The following LRP2 variants were observed in gnomAD, a reference collection of about 807,000 sequenced individuals.
The protein encoded by LRP2 is LDL receptor related protein 2, also known as low-density lipoprotein receptor-related protein 2.
LRP2 carries 172 observed loss-of-function variants against 531.0 expected under a neutral mutation model. That is an observed-to-expected ratio of 0.32 (90% CI 0.29 to 0.37). The LOEUF (loss-of-function observed/expected upper bound fraction) is 0.37, where lower values mean the gene tolerates loss of function less well. LRP2 is among the 10% of genes least tolerant of loss of function. LRP2 has a pLI of 1.00. For synonymous variants in LRP2, 1,992 were observed against 2,027.6 expected (o/e 0.98, Z 0.47); for missense variants, 5,167 against 5,868.3 (o/e 0.88, Z 3.90).
At chr2:169,176,234 A>T (rs62172599) in intron 54 of LRP2, among the ~76,000 whole-genome samples, 177 bp downstream of exon 54, 3,085 of 152,324 alleles carry the variant, frequency 0.02, 38 homozygotes, top group Non-Finnish European at 0.03. Context: ...AGCTCCTTCT[A>T]TTCATGGAAA....
intron 37 of LRP2, among the ~76,000 whole-genome samples, chr2:169,210,809 C>T (rs1174423098): frequency 1.3e-5 from 2 of 152,058 alleles, no homozygotes; most frequent in African/African-American, 4.8e-5. Context: ...TGTATGCTAA[C>T]ATATGTAGGG....
chr2:169,321,751 AAAC>A (rs1018288189), intron 1 of LRP2, among the ~76,000 whole-genome samples: 5 of 152,082 alleles, frequency 3.3e-5, no homozygotes, highest in African/African-American at 1.2e-4. Flanking sequence ...AAACAAAACA[AAAC>A]AAAATCTCTG....
At chr2:169,283,492 G>C (rs56325975) in intron 9 of LRP2, among the ~76,000 whole-genome samples, 9,527 of 152,208 alleles carry the variant, frequency 0.063, 525 homozygotes, top group African/African-American at 0.14. Context: ...CAATATGACA[G>C]AGTGAAGATA....
intron 1 of LRP2, among the ~76,000 whole-genome samples, chr2:169,327,797 A>G (rs1685136200): frequency 9.8e-6 from 1 of 102,418 alleles, no homozygotes; most frequent in Non-Finnish European, 2.0e-5. Flanking sequence ...CCCGTCTGGG[A>G]GGTGAGGGGC....
At chr2:169,285,630 C>A (rs11896551) in intron 9 of LRP2, among the ~76,000 whole-genome samples, 1 of 152,006 alleles carries the variant, frequency 6.6e-6, no homozygotes, top group Non-Finnish European at 1.5e-5. Flanking sequence ...CCCCCTTGGC[C>A]ACCCTCTGAT....
chr2:169,199,955 T>C (rs1174736809), intron 44 of LRP2, among the ~76,000 whole-genome samples: 3 of 152,178 alleles, frequency 2.0e-5, no homozygotes, highest in Non-Finnish European at 4.4e-5. Context: ...GAAATATCAA[T>C]AAAAATTTTT....
chr2:169,307,253 T>C, intron 4 of LRP2, 28 bp downstream of exon 4: 2 of 1,463,080 alleles, frequency 1.4e-6, no homozygotes, highest in East Asian at 2.3e-5. Context: ...TGAAACCAAA[T>C]ACAGTGCAAG....
intron 17 of LRP2, among the ~76,000 whole-genome samples, chr2:169,257,832 A>C (rs1484903432): frequency 2.0e-5 from 3 of 150,160 alleles, no homozygotes; most frequent in South Asian, 2.1e-4. Flanking sequence ...AAACAAAAAA[A>C]AAAAACACAA....
intron 26 of LRP2, among the ~76,000 whole-genome samples, chr2:169,239,260 A>G (rs1252546886): frequency 6.6e-6 from 1 of 152,190 alleles, no homozygotes; most frequent in Non-Finnish European, 1.5e-5. Context: ...TAAATTATAT[A>G]AAAGCCATTT....
At chr2:169,258,148 G>A (rs1690391368) in intron 17 of LRP2, among the ~76,000 whole-genome samples, 2 of 152,100 alleles carry the variant, frequency 1.3e-5, no homozygotes, top group African/African-American at 4.8e-5. Context: ...AATTAAAGCA[G>A]ATACTCTAGA....
chr2:169,239,076 A>T (rs1689710849), intron 26 of LRP2, among the ~76,000 whole-genome samples: 1 of 152,164 alleles, frequency 6.6e-6, no homozygotes, highest in Non-Finnish European at 1.5e-5. Flanking sequence ...ATGTAAAAGA[A>T]AGAAACTTTC....
intron 63 of LRP2, among the ~76,000 whole-genome samples, chr2:169,160,014 C>A (rs1387764258): frequency 6.6e-6 from 1 of 152,166 alleles, no homozygotes; most frequent in African/African-American, 2.4e-5. Context: ...AAAATGATCA[C>A]CATTTTAACC....
intron 77 of LRP2, among the ~76,000 whole-genome samples, chr2:169,130,057 T>C (rs1685228582): frequency 6.6e-6 from 1 of 152,178 alleles, no homozygotes; most frequent in Admixed American, 6.5e-5. Context: ...GCTTTGTACA[T>C]AGTGCCCCCA....
chr2:169,202,265 TA>T (rs1312827275), intron 43 of LRP2, among the ~76,000 whole-genome samples: 2 of 152,210 alleles, frequency 1.3e-5, no homozygotes, highest in Non-Finnish European at 2.9e-5. Context: ...CACTGTGTTT[TA>T]TTCACTCTAT....
intron 77 of LRP2, among the ~76,000 whole-genome samples, chr2:169,130,171 G>T (rs542787087): frequency 6.6e-6 from 1 of 152,328 alleles, no homozygotes; most frequent in South Asian, 2.1e-4. Context: ...AAATGAAATG[G>T]CTAACTTGAA....
In LRP2 at chr2:169,190,518, A is replaced by G. The variant is rs557169150; in HGVS notation, c.9032+1314T>C. Among the ~76,000 whole-genome samples, 64 of 152,340 alleles carry G rather than the reference A, an allele frequency of 4.2e-4. No homozygotes were observed. The South Asian group carries it at 0.011, about 26-fold the overall frequency. On this transcript the variant is annotated intron_variant, in intron 48 of 78. Transcript: ENST00000649046. ...ACACCACACTGGACTCCAACGGTAC[A>G]TTAGCGCCTGTTGATGAGCTGCCTG... is the stretch of plus-strand genomic sequence containing the variant.
intron 9 of LRP2, among the ~76,000 whole-genome samples, chr2:169,285,142 G>A (rs1459236541): frequency 7.3e-6 from 1 of 137,252 alleles, no homozygotes; most frequent in African/African-American, 2.9e-5. Context: ...GGGTTTATGT[G>A]TACTAAGAAT....
In LRP2 at chr2:169,202,604, C is replaced by G. The variant is rs1688239907; in HGVS notation, c.8209+152G>C. 1.9e-5 allele frequency: 15 copies of G among 769,438 alleles called. 1 individual carries two copies. Among genetic ancestry groups the G allele is most frequent in the South Asian group, 4.4e-5 (3 of 67,612 alleles). 47.7% of individuals were successfully genotyped at this position (769,438 alleles called of 1,614,324 possible). ...CACTACAGAGGTGATTTAACAGAAA[C>G]AGTCTGGATTATCAGAGGAAACATT... On this transcript the variant is annotated intron_variant, in intron 43 of 78. Coordinates refer to ENST00000649046, the MANE Select transcript of LRP2 (RefSeq NM_004525.3).
chr2:169,321,315 G>A (rs1270481110), intron 1 of LRP2, among the ~76,000 whole-genome samples: 1 of 151,926 alleles, frequency 6.6e-6, no homozygotes, highest in Non-Finnish European at 1.5e-5. Flanking sequence ...AACAATAAAA[G>A]GATTAAATTT....
Sources: gnomAD v4.1 joint callset for allele counts (sites outside exome capture counted in the v4.1 genomes callset) on GRCh38, gnomAD v4.1.1 for gene constraint, MANE v1.5 for transcripts, NCBI Gene and HGNC (gene_info 2026-07-23, HGNC 2026-07-21) for gene names.